KCNC4: variants seen among roughly 807,000 people sequenced by gnomAD.
KCNC4 encodes voltage-gated potassium channel KCNC4.
KCNC4 carries 23 observed loss-of-function variants against 42.8 expected under a neutral mutation model. That is an observed-to-expected ratio of 0.54 (90% CI 0.39 to 0.76). The LOEUF (loss-of-function observed/expected upper bound fraction) is 0.76. KCNC4 is among the 30% of genes least tolerant of loss of function. The probability of loss-of-function intolerance (pLI) is 0.00; values close to 1 mark genes in which losing one functional copy is unlikely to be tolerated. For synonymous variants in KCNC4, 422 were observed against 393.5 expected, an observed-to-expected ratio of 1.07 and a Z score of -0.86; for missense variants, 751 against 898.2, an observed-to-expected ratio of 0.84 and a Z score of 2.10.
chr1:110,261,355 A>G (rs1659423004), intron 1 of KCNC4, among the ~76,000 whole-genome samples: 1 of 152,248 alleles, frequency 6.6e-6, no homozygotes, highest in Non-Finnish European at 1.5e-5. Context: ...TTATTGACAG[A>G]TGCATAAAAA....
chr1:110,210,498 G>T lies in KCNC4; in HGVS notation c.-1002G>T, dbSNP rs1229258462. On this transcript the variant is annotated 5_prime_UTR_variant, in exon 1 of 4. Transcript: ENST00000438661. ...CGTAGATGGCGTGGCTCCCAGCGCC[G>T]CCAGATCGCAGGAACCAGGCGCCGG... is the stretch of plus-strand genomic sequence containing the variant. 6.6e-6 allele frequency among the ~76,000 whole-genome samples: 1 copy of T among 151,382 alleles called. No individual in the cohort carries two copies. The highest frequency in any genetic ancestry group is 1.5e-5 in the Non-Finnish European group (1 of 67,750).
chr1:110,234,944 C>A, downstream of KCNC4: 1 of 152,332 alleles, frequency 6.6e-6, no homozygotes. Context: ...ATGATGGCCC[C>A]TGTTTCAGAG....
exon 4 of KCNC4, chr1:110,248,753 T>C (rs1256875238): frequency 6.6e-6 from 1 of 152,252 alleles, no homozygotes; most frequent in Non-Finnish European, 1.5e-5. Flanking sequence ...CCTGTTCGGC[T>C]TGATGGCAGA....
intron 1 of KCNC4, among the ~76,000 whole-genome samples, chr1:110,273,381 C>T (rs938639005): frequency 6.6e-6 from 1 of 152,206 alleles, no homozygotes; most frequent in Non-Finnish European, 1.5e-5. Context: ...GGTACTGCAA[C>T]AAAACAGTCT....
At chr1:110,224,017 A>G (rs1658262105) in intron 2 of KCNC4, 117 bp downstream of exon 2, 2 of 844,830 alleles carry the variant, frequency 2.4e-6, no homozygotes, top group Non-Finnish European at 3.7e-6. Flanking sequence ...CCCTAAGCAT[A>G]AAGATGTGCC....
chr1:110,260,605 A>G (rs907703389), intron 1 of KCNC4, among the ~76,000 whole-genome samples: 1 of 152,232 alleles, frequency 6.6e-6, no homozygotes, highest in Non-Finnish European at 1.5e-5. Flanking sequence ...TAGCCACTTT[A>G]TAAGGCAAAA....
intron 1 of KCNC4, among the ~76,000 whole-genome samples, chr1:110,269,141 C>T (rs531497047): frequency 6.6e-6 from 1 of 152,280 alleles, no homozygotes; most frequent in East Asian, 1.9e-4. Context: ...AAGCAAATCT[C>T]CCTGGGCCTT....
chr1:110,268,436 T>A (rs1659581227), intron 1 of KCNC4, among the ~76,000 whole-genome samples: 1 of 151,784 alleles, frequency 6.6e-6, no homozygotes, highest in South Asian at 2.1e-4. Flanking sequence ...TGAAACCCCA[T>A]CTCTAATAAA....
chr1:110,251,522 C>A (rs1320886495), downstream of KCNC4, among the ~76,000 whole-genome samples: 2 of 152,222 alleles, frequency 1.3e-5, no homozygotes, highest in East Asian at 3.8e-4. Flanking sequence ...CATTAAACCT[C>A]TTTCTTTTGT....
chr1:110,252,977 A>C (rs1471813910), downstream of KCNC4, among the ~76,000 whole-genome samples: 1 of 152,164 alleles, frequency 6.6e-6, no homozygotes. Context: ...TTGTGATCTT[A>C]TCTCTCTGCT....
intron 1 of KCNC4, among the ~76,000 whole-genome samples, chr1:110,277,130 GCTTA>G (rs1408402997): frequency 6.6e-6 from 1 of 152,192 alleles, no homozygotes; most frequent in Non-Finnish European, 1.5e-5. Flanking sequence ...AGGGACTTAG[GCTTA>G]CTTGATAGGG....
chr1:110,265,106 G>A (rs1659515342), intron 1 of KCNC4, among the ~76,000 whole-genome samples: 1 of 151,384 alleles, frequency 6.6e-6, no homozygotes, highest in African/African-American at 2.4e-5. Context: ...AAAAAGGTGG[G>A]GGAGAGTGAA....
At position 110,280,092 on chromosome 1, in the gene KCNC4, G is replaced by A. The variant is rs1659794626; in HGVS notation, n.31-2442G>A. ...CACCGCACCCGGCTGGAATGTTTAG[G>A]CTATCATTTATTGAGTGCTGTGTTC... is the stretch of plus-strand genomic sequence containing the variant. On this transcript the variant is annotated intron_variant and non_coding_transcript_variant, in intron 1 of 2. Transcript: ENST00000412512. Among the ~76,000 whole-genome samples the A allele has an allele frequency of 1.3e-5, 2 of 152,006 alleles. 1 individual carries two copies. Among genetic ancestry groups the A allele is most frequent in the South Asian group, 4.1e-4 (2 of 4,822 alleles).
At chr1:110,277,078 A>C (rs1465680489) in intron 1 of KCNC4, among the ~76,000 whole-genome samples, 1 of 152,226 alleles carries the variant, frequency 6.6e-6, no homozygotes. Context: ...ATCCCGCTGA[A>C]ATCTAAATTT....
chr1:110,256,728 T>G (rs1659339224), intron 1 of KCNC4: 1 of 153,610 alleles, frequency 6.5e-6, no homozygotes, highest in Non-Finnish European at 1.5e-5. Flanking sequence ...GGAAGCGCCG[T>G]CACGCCCCGG....
intron 1 of KCNC4, among the ~76,000 whole-genome samples, chr1:110,213,389 T>C (rs1164848378): frequency 6.6e-6 from 1 of 152,070 alleles, no homozygotes; most frequent in Non-Finnish European, 1.5e-5. Context: ...CAAATTGTCA[T>C]GTTAATGAGT....
At chr1:110,269,362 A>G (rs532908128) in intron 1 of KCNC4, among the ~76,000 whole-genome samples, 1 of 152,164 alleles carries the variant, frequency 6.6e-6, no homozygotes, top group South Asian at 2.1e-4. Flanking sequence ...ACAACCACCA[A>G]TCTAATCTGT....
At chr1:110,246,767 T>A (rs77085733) in exon 4 of KCNC4, 1 of 11,080 alleles carries the variant, frequency 9.0e-5, no homozygotes, top group Non-Finnish European at 2.5e-4. Flanking sequence ...TTTTCTTTTC[T>A]TTTTTTTTTT....
intron 1 of KCNC4, among the ~76,000 whole-genome samples, chr1:110,254,398 C>G (rs1449577658): frequency 6.6e-6 from 1 of 152,182 alleles, no homozygotes; most frequent in Non-Finnish European, 1.5e-5. Flanking sequence ...TCATTTGCAC[C>G]TCATGTTCCT....
Sources: allele counts gnomAD v4.1 joint callset (sites outside exome capture counted in the v4.1 genomes callset), GRCh38; gene constraint gnomAD v4.1.1; transcripts MANE v1.5; gene names NCBI Gene and HGNC (gene_info 2026-07-23, HGNC 2026-07-21).